Variants in METTL15 observed in about 807,000 individuals in gnomAD.
The protein encoded by METTL15 is 12S rRNA N(4)-cytidine methyltransferase METTL15.
METTL15 carries 34 observed loss-of-function variants against 38.3 expected under a neutral mutation model. That is an observed-to-expected ratio of 0.89 (90% CI 0.68 to 1.18). METTL15 has a LOEUF of 1.18. Among genes scored for constraint, METTL15 ranks in the 50% most tolerant of loss-of-function variants. The pLI is 0.00. For synonymous variants in METTL15, 162 were observed against 170.9 expected (o/e 0.95, Z 0.41); for missense variants, 438 against 498.4 (o/e 0.88, Z 1.15).
chr11:28,486,620 C>A (rs1319062047), intron 6 of METTL15, among the ~76,000 whole-genome samples: 28 of 152,092 alleles, frequency 1.8e-4, no homozygotes, highest in Non-Finnish European at 1.5e-5. Flanking sequence ...CCCTTTAGGC[C>A]ATCTATGTGG....
intron 4 of METTL15, among the ~76,000 whole-genome samples, chr11:28,254,716 C>A (rs922180718): frequency 1.3e-5 from 2 of 152,048 alleles, no homozygotes; most frequent in Non-Finnish European, 2.9e-5. Context: ...AGTTTTCTAG[C>A]GCCATTTATT....
chr11:28,497,510 C>T (rs1851544671), intron 6 of METTL15, among the ~76,000 whole-genome samples: 1 of 152,178 alleles, frequency 6.6e-6, no homozygotes. Context: ...GCTTATAAGT[C>T]TTCTGAATGC....
chr11:28,383,078 A>G (rs1482994598), intron 5 of METTL15, among the ~76,000 whole-genome samples: 1 of 151,968 alleles, frequency 6.6e-6, no homozygotes, highest in Non-Finnish European at 1.5e-5. Context: ...GGTAATAAGC[A>G]TAGTACTCGA....
intron 4 of METTL15, among the ~76,000 whole-genome samples, chr11:28,353,939 A>C (rs1221859423): frequency 6.6e-6 from 1 of 151,708 alleles, no homozygotes; most frequent in Non-Finnish European, 1.5e-5. Flanking sequence ...CTCAAAAAAA[A>C]AAAAAAAAAA....
At chr11:28,139,285 G>A (rs544091063) in intron 3 of METTL15, among the ~76,000 whole-genome samples, 1 of 152,226 alleles carries the variant, frequency 6.6e-6, no homozygotes, top group South Asian at 2.1e-4. Flanking sequence ...CAGTGATTCA[G>A]GAGGCATTTG....
intron 4 of METTL15, among the ~76,000 whole-genome samples, chr11:28,237,493 A>G (rs1854054139): frequency 6.6e-6 from 1 of 152,058 alleles, no homozygotes; most frequent in Non-Finnish European, 1.5e-5. Flanking sequence ...TATTCTAGTT[A>G]TACATTCGTC....
chr11:28,237,772 T>C, intron 4 of METTL15, among the ~76,000 whole-genome samples: 1 of 152,176 alleles, frequency 6.6e-6, no homozygotes, highest in East Asian at 1.9e-4. Flanking sequence ...GATGTACAGA[T>C]GGGTTTTTGG....
intron 5 of METTL15, among the ~76,000 whole-genome samples, chr11:28,422,372 A>T (rs1850827836): frequency 6.6e-6 from 1 of 152,094 alleles, no homozygotes; most frequent in Admixed American, 6.6e-5. Flanking sequence ...AAAGACCCAG[A>T]TATCCAAAAC....
At chr11:28,415,744 G>A (rs1850767247) in intron 5 of METTL15, among the ~76,000 whole-genome samples, 1 of 152,162 alleles carries the variant, frequency 6.6e-6, no homozygotes, top group African/African-American at 2.4e-5. Flanking sequence ...ATAGACTTAG[G>A]TATAAGAAAA....
chr11:28,278,419 T>C (rs529555494), intron 4 of METTL15, among the ~76,000 whole-genome samples: 81 of 152,352 alleles, frequency 5.3e-4, no homozygotes, highest in South Asian at 2.1e-3. Flanking sequence ...TGTTTTATAA[T>C]ATTAAAGTAA....
chr11:28,172,946 A>C (rs959050446), intron 3 of METTL15, among the ~76,000 whole-genome samples: 3 of 151,966 alleles, frequency 2.0e-5, no homozygotes, highest in Non-Finnish European at 2.9e-5. Flanking sequence ...GTATTTCAGG[A>C]GACTAGAAAT....
downstream of METTL15, among the ~76,000 whole-genome samples, chr11:28,531,961 T>C (rs1226581957): frequency 1.3e-5 from 2 of 152,064 alleles, no homozygotes; most frequent in Non-Finnish European, 2.9e-5. Context: ...CTTTCTTTCA[T>C]AGATGAAAAT....
intron 4 of METTL15, among the ~76,000 whole-genome samples, chr11:28,282,415 T>C (rs1425982004): frequency 1.3e-5 from 2 of 152,228 alleles, no homozygotes; most frequent in Non-Finnish European, 2.9e-5. Flanking sequence ...GTACAGTTTC[T>C]CCTTCCTAAT....
chr11:28,227,972 A>G (rs944532518), intron 4 of METTL15, among the ~76,000 whole-genome samples: 1 of 151,958 alleles, frequency 6.6e-6, no homozygotes, highest in African/African-American at 2.4e-5. Flanking sequence ...ATTCCAAGAT[A>G]AAAGTATGTT....
At chr11:28,155,388 G>A (rs933139815) in intron 3 of METTL15, among the ~76,000 whole-genome samples, 1 of 152,128 alleles carries the variant, frequency 6.6e-6, no homozygotes, top group African/African-American at 2.4e-5. Flanking sequence ...TTAAATGTTT[G>A]CCTTTAGAGC....
Position 28,389,259 on chromosome 11 carries a change from T to C in METTL15, c.*358+27223T>C, listed in dbSNP as rs188872706. Among the ~76,000 whole-genome samples, 127 of 151,778 alleles carry C rather than the reference T, an allele frequency of 8.4e-4. 2 individuals carry two copies. In the South Asian group the frequency reaches 0.011, roughly 13 times the overall value. ...CTTTTTTTTTATTATACTTTAAGTTTTACGGTACATGTGCACAATGTGCAG... is the reference window on the plus strand; with the variant it reads ...CTTTTTTTTTATTATACTTTAAGTTCTACGGTACATGTGCACAATGTGCAG... On this transcript the variant is annotated intron_variant and NMD_transcript_variant, in intron 5 of 7. Transcript: ENST00000532947.
At chr11:28,504,557 A>G (rs1193608792) in intron 6 of METTL15, among the ~76,000 whole-genome samples, 4 of 152,208 alleles carry the variant, frequency 2.6e-5, no homozygotes, top group Admixed American at 2.0e-4. Context: ...AAATAAACCT[A>G]TGGGTCAAAC....
chr11:28,377,506 C>T (rs1471596536), intron 5 of METTL15, among the ~76,000 whole-genome samples: 1 of 152,044 alleles, frequency 6.6e-6, no homozygotes, highest in East Asian at 1.9e-4. Flanking sequence ...GTTTTCAGCT[C>T]CATCAGCTCC....
At chr11:28,207,877 GT>G (rs1195673365) in intron 3 of METTL15, among the ~76,000 whole-genome samples, 8 of 151,854 alleles carry the variant, frequency 5.3e-5, no homozygotes, top group Non-Finnish European at 1.2e-4. Flanking sequence ...TTTCTTCTAG[GT>G]TTTCTAGTTT....
Sources: allele counts gnomAD v4.1 joint callset (sites outside exome capture counted in the v4.1 genomes callset), GRCh38; gene constraint gnomAD v4.1.1; transcripts MANE v1.5; gene names NCBI Gene and HGNC (gene_info 2026-07-23, HGNC 2026-07-21).